Variants in SLC39A11 observed in about 807,000 individuals in gnomAD.
The protein encoded by SLC39A11 is zinc transporter ZIP11.
SLC39A11 carries 33 observed loss-of-function variants against 36.1 expected under a neutral mutation model. That is an observed-to-expected ratio of 0.91 (90% CI 0.69 to 1.22). The LOEUF is 1.22. Among genes scored for constraint, SLC39A11 ranks in the 50% most tolerant of loss-of-function variants. The pLI is 0.00. For synonymous variants in SLC39A11, 166 were observed against 170.3 expected, an observed-to-expected ratio of 0.97 and a Z score of 0.20; for missense variants, 432 against 430.3, an observed-to-expected ratio of 1.00 and a Z score of -0.03.
rs201864946 is a variant in SLC39A11 at position 73,087,058 on chromosome 17, G to GA, written c.108+1598dup. The stretch of plus-strand genomic sequence containing the variant: ...GTGACAGAGCAAGACTCTGTCTAAA[G>GA]AAAAAAAAAACAAACAAAAACAAAA... On this transcript the variant is annotated intron_variant, in intron 2 of 9. Transcript: ENST00000255559. Among the ~76,000 whole-genome samples the GA allele has an allele frequency of 5.5e-3, 793 of 144,462 alleles. 9 individuals are homozygous for GA. The highest frequency in any genetic ancestry group is 0.016 in the African/African-American group (652 of 39,546). 94.8% of individuals were successfully genotyped at this position (144,462 alleles called of 152,430 possible). A position where few individuals can be genotyped will look rare whatever the true frequency, so the allele number is the denominator to read the frequency against.
At chr17:72,805,742 TTTTC>T (rs1416115869) in intron 6 of SLC39A11, among the ~76,000 whole-genome samples, 5 of 151,176 alleles carry the variant, frequency 3.3e-5, no homozygotes, top group South Asian at 2.1e-4. Flanking sequence ...TTTTTTTTCT[TTTTC>T]TTTTTCTTTT....
intron 7 of SLC39A11, among the ~76,000 whole-genome samples, chr17:72,671,276 C>T (rs1423480764): frequency 1.3e-5 from 2 of 152,198 alleles, no homozygotes; most frequent in African/African-American, 4.8e-5. Flanking sequence ...CTTCTCCTTT[C>T]TGCCAATAAA....
At chr17:72,669,562 C>T (rs2070902161) in intron 7 of SLC39A11, among the ~76,000 whole-genome samples, 4 of 152,282 alleles carry the variant, frequency 2.6e-5, no homozygotes, top group African/African-American at 9.6e-5. Context: ...AGTCAGAGGG[C>T]ACAGGAAAAC....
At position 72,723,229 on chromosome 17, in the gene SLC39A11, T is replaced by C. The variant is rs564637915; in HGVS notation, c.671+13421A>G. On this transcript the variant is annotated intron_variant, in intron 7 of 9. Transcript: ENST00000255559. ...GTCAGGTGAAGTCCCAGATGCTTCA[T>C]AGAGAGATGTCACCAGGAGGACAGA... 8.7e-4 allele frequency among the ~76,000 whole-genome samples: 133 copies of C among 152,202 alleles called. 1 individual carries two copies. The highest frequency in any genetic ancestry group is 1.2e-4 in the Non-Finnish European group (8 of 68,012).
At chr17:73,027,495 G>GAAAACAAACACCCAGTTTGGA in intron 4 of SLC39A11, among the ~76,000 whole-genome samples, 1 of 152,282 alleles carries the variant, frequency 6.6e-6, no homozygotes, top group Non-Finnish European at 1.5e-5. Context: ...ATAAATAATT[G>GAAAACAAACACCCAGTTTGGA]AAAACAAACA....
At chr17:72,751,810 C>T (rs569394216) in intron 6 of SLC39A11, among the ~76,000 whole-genome samples, 8 of 152,254 alleles carry the variant, frequency 5.3e-5, no homozygotes, top group South Asian at 2.1e-4. Context: ...CCCCTGGCCT[C>T]GAGTGATCTG....
intron 6 of SLC39A11, among the ~76,000 whole-genome samples, chr17:72,757,097 C>T (rs1326663868): frequency 2.0e-5 from 3 of 151,722 alleles, no homozygotes; most frequent in Non-Finnish European, 2.9e-5. Context: ...AACCAGAAGG[C>T]GGAGGTTGCA....
Position 72,716,882 on chromosome 17 carries a change from T to C in SLC39A11, c.671+19768A>G, listed in dbSNP as rs534848014. The stretch of plus-strand genomic sequence containing the variant: ...TACTCAGGAGGCTGAGGCATGAGAA[T>C]TGCTTGAACTCAGGGGGTGGAGGTT... On this transcript the variant is annotated intron_variant, in intron 7 of 9. Transcript: ENST00000255559. 1.3e-4 allele frequency among the ~76,000 whole-genome samples: 19 copies of C among 150,954 alleles called. No individual in the cohort carries two copies. The South Asian group carries it at 3.8e-3, about 30-fold the overall frequency.
chr17:73,006,225 C>A (rs986973761), intron 4 of SLC39A11, among the ~76,000 whole-genome samples: 8 of 152,108 alleles, frequency 5.3e-5, no homozygotes, highest in Non-Finnish European at 1.0e-4. Context: ...CTCTACATTT[C>A]TTTATAAAAT....
chr17:72,973,694 G>C (rs2087628613), intron 4 of SLC39A11, among the ~76,000 whole-genome samples: 1 of 152,124 alleles, frequency 6.6e-6, no homozygotes, highest in Non-Finnish European at 1.5e-5. Flanking sequence ...AAGTAGCTGG[G>C]ATCACAGGCA....
At chr17:73,079,147 G>A (rs1220077805) in intron 3 of SLC39A11, among the ~76,000 whole-genome samples, 5 of 152,144 alleles carry the variant, frequency 3.3e-5, no homozygotes, top group African/African-American at 9.7e-5. Flanking sequence ...AGGCTGGAGT[G>A]CAAGGGTGCA....
intron 3 of SLC39A11, among the ~76,000 whole-genome samples, chr17:73,066,999 C>T (rs1170855570): frequency 6.6e-6 from 1 of 152,160 alleles, no homozygotes; most frequent in Non-Finnish European, 1.5e-5. Context: ...TGTATTACTT[C>T]TTCCTTTCAA....
intron 7 of SLC39A11, among the ~76,000 whole-genome samples, chr17:72,655,864 C>T (rs1474889718): frequency 1.3e-5 from 2 of 152,022 alleles, no homozygotes; most frequent in Non-Finnish European, 2.9e-5. Flanking sequence ...GGGGGTGAGC[C>T]GTGAGCTGAC....
At chr17:72,917,343 T>C (rs2083388748) in intron 5 of SLC39A11, among the ~76,000 whole-genome samples, 1 of 152,210 alleles carries the variant, frequency 6.6e-6, no homozygotes. Context: ...CAAGGAAGGC[T>C]GGATCCCTGC....
intron 5 of SLC39A11, among the ~76,000 whole-genome samples, chr17:72,919,679 AAAAAAAG>A (rs1444176219): frequency 2.7e-5 from 4 of 145,908 alleles, no homozygotes; most frequent in Admixed American, 6.9e-5. Context: ...CAAAAAAAAA[AAAAAAAG>A]AAAAAAAGAA....
chr17:73,080,772 C>T (rs1387801650), intron 3 of SLC39A11, among the ~76,000 whole-genome samples: 1 of 151,928 alleles, frequency 6.6e-6, no homozygotes, highest in Non-Finnish European at 1.5e-5. Flanking sequence ...TGGTGAAACT[C>T]CGTCTCTACT....
intron 7 of SLC39A11, among the ~76,000 whole-genome samples, chr17:72,723,670 G>C (rs1170137833): frequency 6.6e-6 from 1 of 152,162 alleles, no homozygotes; most frequent in Non-Finnish European, 1.5e-5. Context: ...TGTTCCATCA[G>C]TCCTGGGGAG....
rs74880680 is a variant in SLC39A11, at chr17:72,749,901, C to T, written c.602-13182G>A. Among the ~76,000 whole-genome samples the T allele has an allele frequency of 1.7e-3, 255 of 152,250 alleles. 1 individual carries two copies. Among genetic ancestry groups the T allele is most frequent in the African/African-American group, 5.6e-3 (232 of 41,548 alleles). On this transcript the variant is annotated intron_variant, in intron 6 of 9. Transcript: ENST00000255559. ...GATTCGTAAAACACTAGATGGAAGT[C>T]GTACCAGGAATTCAGCCACACATCC... is the stretch of plus-strand genomic sequence containing the variant.
At chr17:72,930,986 G>A (rs544296401) in intron 5 of SLC39A11, among the ~76,000 whole-genome samples, 16 of 152,304 alleles carry the variant, frequency 1.1e-4, no homozygotes, top group Admixed American at 3.3e-4. Context: ...AACCACCCAG[G>A]AAATGCTGCA....
Sources: allele counts gnomAD v4.1 joint callset (sites outside exome capture counted in the v4.1 genomes callset), GRCh38; gene constraint gnomAD v4.1.1; transcripts MANE v1.5; gene names NCBI Gene and HGNC (gene_info 2026-07-23, HGNC 2026-07-21).